The following KNL1 variants were observed in gnomAD, a reference collection of about 807,000 sequenced individuals.
KNL1 encodes kinetochore scaffold 1.
KNL1 carries 66 observed loss-of-function variants against 201.3 expected under a neutral mutation model. The observed-to-expected ratio is 0.33, with a 90% CI of 0.27 to 0.40. The LOEUF (loss-of-function observed/expected upper bound fraction) is 0.40, where lower values mean the gene tolerates loss of function less well. Among genes scored for constraint, KNL1 ranks in the 10% least tolerant of loss-of-function variants. The pLI is 1.00. For synonymous variants in KNL1, 895 were observed against 899.2 expected, an observed-to-expected ratio of 1.00 and a Z score of 0.08; for missense variants, 2,815 against 2,690.5, an observed-to-expected ratio of 1.05 and a Z score of -1.02.
intron 10 of KNL1, among the ~76,000 whole-genome samples, chr15:40,626,194 C>G (rs1892747689): frequency 1.3e-5 from 2 of 151,824 alleles, no homozygotes; most frequent in Admixed American, 6.6e-5. Context: ...GTTCTGTTGC[C>G]CAGGCTGGAG....
At chr15:40,659,037 C>G (rs1434871441) in intron 24 of KNL1, among the ~76,000 whole-genome samples, 2 of 152,016 alleles carry the variant, frequency 1.3e-5, no homozygotes, top group East Asian at 3.9e-4. Context: ...CCTGTAATCC[C>G]AACACTTTGG....
In KNL1 at chr15:40,624,729, A is replaced by G. The variant is rs375095554; in HGVS notation, c.4465A>G (p.Lys1489Glu). ...TTCCTCTGCACCCATATGTGAAAAC[A>G]AGCCCAAAATACTCAATAGTGAGGA... The part of the protein sequence containing the change: ...ENSSAPICEN[K>E]PKILNSEEWF... The change falls in exon 10 of 26, where the codon AAG becomes GAG. Residue 1489 changes from lysine to glutamate, a missense_variant. By Grantham distance (56) the Lys-to-Glu change is moderately conservative (BLOSUM62 1). Around this residue, in one of 3 missense-constraint regions of KNL1, gnomAD observed 2,464 missense variants for 2,291.7 expected, o/e 1.08. Transcript: ENST00000399668. 1.2e-6 allele frequency: 2 copies of G among 1,613,468 alleles called. No homozygotes were observed. Among genetic ancestry groups the G allele is most frequent in the Non-Finnish European group, 1.7e-6 (2 of 1,179,856 alleles).
At chr15:40,635,952 T>A (rs1343254531) in intron 13 of KNL1, among the ~76,000 whole-genome samples, 1 of 152,216 alleles carries the variant, frequency 6.6e-6, no homozygotes, top group Admixed American at 6.5e-5. Flanking sequence ...TCTCCCTGCT[T>A]CAGCCTCCCC....
rs752739201 is a variant in KNL1 at position 40,621,714 on chromosome 15, A to G, written c.1450A>G (p.Met484Val). The G allele has an allele frequency of 3.8e-5, 62 of 1,612,450 alleles. No individual in the cohort carries two copies. The Middle Eastern group carries it at 4.9e-4, about 13-fold the overall frequency. The change falls in exon 10 of 26, where the codon ATG (methionine) becomes GTG (valine). Residue 484 changes from methionine (M) to valine (V), a missense_variant. Physicochemically the swap from Met to Val is conservative, Grantham distance 21 (BLOSUM62 1). Transcript: ENST00000399668. ...AACTATTTATTCCGGAGAGGAGAAC[A>G]TGGACATTACCAAGAGTCATACAGT... is the stretch of plus-strand genomic sequence containing the variant. The part of the protein sequence containing the change: ...EKTIYSGEEN[M>V]DITKSHTVAI...
Position 40,623,469 on chromosome 15 carries a change from A to C in KNL1, c.3205A>C (p.Lys1069Gln). The change falls in exon 10 of 26, where the codon AAG (lysine) becomes CAG (glutamine). Residue 1069 changes from lysine to glutamine, a missense_variant. Transcript: ENST00000399668. ...CAAAAGTCAGAGAAGAAAAAGCCTT[A>C]AGCTAAAAAATGACAAGACCATTGT... ...SSKSQRRKSL[K>Q]LKNDKTIVFS... The C allele has an allele frequency of 6.2e-7, 1 of 1,611,772 alleles. No homozygotes were observed.
At chr15:40,649,573 G>C (rs1431785385) in intron 17 of KNL1, among the ~76,000 whole-genome samples, 2 of 150,610 alleles carry the variant, frequency 1.3e-5, no homozygotes, top group African/African-American at 2.4e-5. Context: ...AGGATTACAG[G>C]CATCAGCCAC....
chr15:40,616,290 A>AT (rs905777873), intron 8 of KNL1, among the ~76,000 whole-genome samples: 9 of 149,478 alleles, frequency 6.0e-5, no homozygotes, highest in South Asian at 4.3e-4. Flanking sequence ...CACCCAGCTA[A>AT]TTTTTTTTGT....
chr15:40,653,576 A>G (rs951371848), intron 21 of KNL1, among the ~76,000 whole-genome samples: 4 of 152,244 alleles, frequency 2.6e-5, no homozygotes, highest in African/African-American at 7.2e-5. Context: ...CTACAGTAAC[A>G]TTCCAACTGG....
At chr15:40,617,108 C>G (rs182368198) in intron 8 of KNL1, among the ~76,000 whole-genome samples, 1 of 152,054 alleles carries the variant, frequency 6.6e-6, no homozygotes, top group Non-Finnish European at 1.5e-5. Flanking sequence ...GCCACCAGGC[C>G]GAGCTGATTT....
intron 6 of KNL1, 70 bp downstream of exon 6, chr15:40,610,367 C>A (rs1892114111): frequency 2.5e-6 from 2 of 790,262 alleles, no homozygotes; most frequent in South Asian, 1.4e-5. Context: ...TCTAACCAGA[C>A]AACTAATATA....
chr15:40,661,852 G>C lies in KNL1; in HGVS notation c.6837-222G>C, dbSNP rs58511821. Reference sequence around the variant, plus strand: ...GGCCAGGAGATCGAGACCATCCTGAGTAACACAGTGAAACCCCATCTCTAC... The same window carrying C: ...GGCCAGGAGATCGAGACCATCCTGACTAACACAGTGAAACCCCATCTCTAC... On this transcript the variant is annotated intron_variant, in intron 25 of 25. Coordinates refer to ENST00000399668, the MANE Select transcript of KNL1 (RefSeq NM_144508.5). Among the ~76,000 whole-genome samples, 1,068 of 151,994 alleles carry C rather than the reference G, an allele frequency of 7.0e-3. 9 individuals carry two copies. The highest frequency in any genetic ancestry group is 0.025 in the African/African-American group (1,024 of 41,484).
intron 7 of KNL1, among the ~76,000 whole-genome samples, chr15:40,612,839 A>C (rs1466475424): frequency 2.0e-5 from 3 of 152,114 alleles, no homozygotes; most frequent in African/African-American, 7.2e-5. Flanking sequence ...ATTTTTATCC[A>C]GTCAGTTAAG....
intron 9 of KNL1, 148 bp from the exon 10 acceptor site, chr15:40,620,492 A>C: frequency 2.2e-6 from 1 of 458,148 alleles, no homozygotes; most frequent in Non-Finnish European, 3.8e-6. Flanking sequence ...TTAATGACAA[A>C]TTATATGCAA....
At chr15:40,638,887 C>T (rs1318752755) in intron 13 of KNL1, among the ~76,000 whole-genome samples, 1 of 151,468 alleles carries the variant, frequency 6.6e-6, no homozygotes, top group Admixed American at 6.6e-5. Flanking sequence ...TCTCTGCTCA[C>T]TGCAACCTCC....
intron 9 of KNL1, 83 bp downstream of exon 9, chr15:40,619,094 G>A (rs2141717384): frequency 1.1e-6 from 1 of 947,882 alleles, no homozygotes; most frequent in Non-Finnish European, 1.7e-6. Context: ...TAATGGCATA[G>A]TTTAGGGATG....
chr15:40,647,907 T>G (rs1459652167), intron 17 of KNL1, among the ~76,000 whole-genome samples: 1 of 152,230 alleles, frequency 6.6e-6, no homozygotes, highest in Non-Finnish European at 1.5e-5. Flanking sequence ...TTTCTCTAAC[T>G]GATCCCTTGT....
At chr15:40,628,251 A>G (rs779861802) in intron 11 of KNL1, 43 bp downstream of exon 11, 11 of 1,535,384 alleles carry the variant, frequency 7.2e-6, no homozygotes, top group Non-Finnish European at 9.6e-6. Flanking sequence ...CCATCTGCTT[A>G]CTTAACTAAT....
At chr15:40,627,461 C>A (rs1243232254) in intron 10 of KNL1, among the ~76,000 whole-genome samples, 2 of 151,388 alleles carry the variant, frequency 1.3e-5, no homozygotes, top group Admixed American at 6.6e-5. Context: ...TTGCAGTGAG[C>A]CGAGATCACG....
intron 22 of KNL1, among the ~76,000 whole-genome samples, chr15:40,656,223 G>A (rs1339129108): frequency 6.6e-6 from 1 of 152,016 alleles, no homozygotes; most frequent in Non-Finnish European, 1.5e-5. Context: ...TGGAGGTCAG[G>A]AGTTCAAGAC....
Sources: allele counts gnomAD v4.1 joint callset (sites outside exome capture counted in the v4.1 genomes callset), GRCh38; gene constraint gnomAD v4.1.1; regional missense constraint gnomAD v4.1.1; transcripts MANE v1.5; gene names NCBI Gene and HGNC (gene_info 2026-07-23, HGNC 2026-07-21).